Variants in PAPPA observed in about 807,000 individuals in gnomAD.
PAPPA encodes pappalysin-1.
In PAPPA, 60 loss-of-function variants were observed where a neutral mutation model predicts 164.0. The observed-to-expected ratio is 0.37, with a 90% confidence interval of 0.30 to 0.45. PAPPA has a LOEUF of 0.45. Among genes scored for constraint, PAPPA ranks in the 20% least tolerant of loss-of-function variants. The probability of loss-of-function intolerance (pLI) is 1.00; values close to 1 mark genes in which losing one functional copy is unlikely to be tolerated. For missense variants in PAPPA, 1,782 were observed against 2,087.3 expected (o/e 0.85, Z 2.85); for synonymous variants, 875 against 814.1 (o/e 1.07, Z -1.27).
chr9:116,343,023 G>A (rs541111474), intron 13 of PAPPA, among the ~76,000 whole-genome samples: 43 of 152,254 alleles, frequency 2.8e-4, no homozygotes, highest in Admixed American at 1.2e-3. Flanking sequence ...CCTCAAGGAC[G>A]TTCTAGTCCA....
intron 7 of PAPPA, among the ~76,000 whole-genome samples, chr9:116,248,164 G>T (rs775905181): frequency 1.3e-5 from 2 of 152,190 alleles, no homozygotes; most frequent in African/African-American, 2.4e-5. Flanking sequence ...ACTCTACCAG[G>T]AGTTGCTATG....
At chr9:116,372,709 G>T (rs2118668012) in intron 19 of PAPPA, among the ~76,000 whole-genome samples, 1 of 149,878 alleles carries the variant, frequency 6.7e-6, no homozygotes, top group East Asian at 2.0e-4. Flanking sequence ...AATAGCTTCT[G>T]AAAAAAAAAT....
chr9:116,166,252 G>A (rs574049249), intron 1 of PAPPA, among the ~76,000 whole-genome samples: 7 of 152,284 alleles, frequency 4.6e-5, no homozygotes, highest in African/African-American at 1.7e-4. Flanking sequence ...TATATTTAAG[G>A]GCCTTCTCAG....
At chr9:116,178,900 A>G (rs1564174984) in intron 1 of PAPPA, among the ~76,000 whole-genome samples, 1 of 152,364 alleles carries the variant, frequency 6.6e-6, no homozygotes, top group African/African-American at 2.4e-5. Context: ...GACTGCTTAC[A>G]CATGAGCAAA....
At chr9:116,210,083 G>A (rs1361054942) in intron 3 of PAPPA, among the ~76,000 whole-genome samples, 8 of 152,108 alleles carry the variant, frequency 5.3e-5, no homozygotes, top group Admixed American at 3.3e-4. Context: ...AGCGGATTAT[G>A]TTTCATGTTA....
intron 7 of PAPPA, among the ~76,000 whole-genome samples, chr9:116,242,120 A>G (rs1170522401): frequency 6.6e-6 from 1 of 152,172 alleles, no homozygotes; most frequent in Non-Finnish European, 1.5e-5. Flanking sequence ...ATGGTTCTAA[A>G]TGAAAAATAT....
intron 13 of PAPPA, among the ~76,000 whole-genome samples, chr9:116,343,860 A>G (rs1349074694): frequency 6.6e-6 from 1 of 151,976 alleles, no homozygotes; most frequent in African/African-American, 2.4e-5. Flanking sequence ...TCCCAGGTTC[A>G]AGCTATTCTC....
chr9:116,202,480 G>A (rs370289775), intron 2 of PAPPA, among the ~76,000 whole-genome samples: 131 of 152,236 alleles, frequency 8.6e-4, no homozygotes, highest in African/African-American at 3.1e-3. Context: ...TAAAGTCTGG[G>A]CGCCTTGGCA....
chr9:116,199,012 G>T (rs1180456991), intron 2 of PAPPA, among the ~76,000 whole-genome samples: 2 of 152,070 alleles, frequency 1.3e-5, no homozygotes, highest in African/African-American at 2.4e-5. Context: ...TGCTGCAGAA[G>T]TAATTGTGGT....
In PAPPA at chr9:116,154,147, A is replaced by T; in HGVS notation, c.-26A>T. 2.4e-5 allele frequency: 8 copies of T among 340,122 alleles called. No homozygotes were observed. Among genetic ancestry groups the T allele is most frequent in the East Asian group, 3.5e-4 (1 of 2,874 alleles). The allele number at this position is 340,122 out of a possible 1,614,324, so 21.1% of individuals were successfully genotyped here. On this transcript the variant is annotated 5_prime_UTR_variant, in exon 1 of 22. It adds an upstream start codon to the 5' untranslated region. Coordinates refer to ENST00000328252, the MANE Select transcript of PAPPA (RefSeq NM_002581.5). This position sits in a 1 kb window ranked among gnomAD's most constrained non-coding sequence, Gnocchi z 5.2. ...GCTCCGGGTGGCGGTGCAGGGGCGA[A>T]GGGGGGGCGGGGGGAACCGTCGGAC...
intron 21 of PAPPA, among the ~76,000 whole-genome samples, chr9:116,391,021 C>T (rs573989530): frequency 6.6e-6 from 1 of 152,116 alleles, no homozygotes; most frequent in Non-Finnish European, 1.5e-5. Context: ...GAAACTGAAG[C>T]CCAGAAAAGG....
In PAPPA at chr9:116,284,363, C is replaced by G. The variant is rs1449423285; in HGVS notation, c.2953+12947C>G. The stretch of plus-strand genomic sequence containing the variant: ...TCTGGCTCTTTCTTGAAATTCAGAA[C>G]TCCTGGTACCTGTGAAGTGTTAGCC... On this transcript the variant is annotated intron_variant, in intron 9 of 21. Coordinates refer to ENST00000328252, the MANE Select transcript of PAPPA (RefSeq NM_002581.5). 3.2e-4 allele frequency among the ~76,000 whole-genome samples: 48 copies of G among 152,154 alleles called. 1 individual carries two copies. The highest frequency in any genetic ancestry group is 2.2e-4 in the Non-Finnish European group (15 of 68,010).
chr9:116,290,486 T>C (rs1470029486), intron 9 of PAPPA, among the ~76,000 whole-genome samples: 1 of 152,074 alleles, frequency 6.6e-6, no homozygotes, highest in Admixed American at 6.5e-5. Flanking sequence ...CAAAGCTACT[T>C]GATTTAACTC....
At chr9:116,289,694 T>C (rs1845412308) in intron 9 of PAPPA, among the ~76,000 whole-genome samples, 1 of 152,142 alleles carries the variant, frequency 6.6e-6, no homozygotes, top group Non-Finnish European at 1.5e-5. Flanking sequence ...GTTAAAACGT[T>C]CATTCGTTCA....
chr9:116,180,088 G>A (rs532903135), intron 1 of PAPPA, among the ~76,000 whole-genome samples: 11 of 152,002 alleles, frequency 7.2e-5, no homozygotes, highest in Admixed American at 3.3e-4. Flanking sequence ...TACATCTCCC[G>A]CAGGGGGAAC....
intron 7 of PAPPA, among the ~76,000 whole-genome samples, chr9:116,240,603 A>G (rs1844723904): frequency 6.6e-6 from 1 of 152,222 alleles, no homozygotes; most frequent in Admixed American, 6.5e-5. Context: ...ACTATGTGTC[A>G]AGCACTAACT....
At chr9:116,327,390 C>G (rs947920824) in intron 10 of PAPPA, among the ~76,000 whole-genome samples, 2 of 152,026 alleles carry the variant, frequency 1.3e-5, no homozygotes, top group Non-Finnish European at 2.9e-5. Context: ...GGGAATGTCA[C>G]CGGAGCCAGT....
chr9:116,197,390 G>T (rs1391489315), intron 2 of PAPPA, among the ~76,000 whole-genome samples: 1 of 152,162 alleles, frequency 6.6e-6, no homozygotes, highest in African/African-American at 2.4e-5. Context: ...GTGTGGTAAT[G>T]AGGAGCAATT....
intron 9 of PAPPA, among the ~76,000 whole-genome samples, chr9:116,298,619 G>C (rs1345684295): frequency 6.6e-6 from 1 of 152,204 alleles, no homozygotes; most frequent in Non-Finnish European, 1.5e-5. Flanking sequence ...AGGGTACAGA[G>C]TTTAAACTGT....
Sources: gnomAD v4.1 joint callset for allele counts (sites outside exome capture counted in the v4.1 genomes callset) on GRCh38, gnomAD v4.1.1 for gene constraint, Gnocchi (gnomAD v3.1) non-coding constraint, MANE v1.5 for transcripts, NCBI Gene and HGNC (gene_info 2026-07-23, HGNC 2026-07-21) for gene names.